SLCO3A1: variants seen among roughly 807,000 people sequenced by gnomAD.
SLCO3A1 encodes PGE1 transporter.
In SLCO3A1, 27 loss-of-function variants were observed where a neutral mutation model predicts 63.1. The observed-to-expected ratio is 0.43, with a 90% CI of 0.32 to 0.59. The LOEUF (loss-of-function observed/expected upper bound fraction) is 0.59, where lower values mean the gene tolerates loss of function less well. SLCO3A1 is among the 20% of genes least tolerant of loss of function. The probability of loss-of-function intolerance (pLI) is 0.09; values close to 1 mark genes in which losing one functional copy is unlikely to be tolerated. For missense variants in SLCO3A1, 773 were observed against 945.8 expected (o/e 0.82, Z 2.40); for synonymous variants, 473 against 409.9 (o/e 1.15, Z -1.86).
chr15:91,946,931 G>T (rs1567198616), intron 2 of SLCO3A1, among the ~76,000 whole-genome samples: 1 of 152,292 alleles, frequency 6.6e-6, no homozygotes, highest in East Asian at 1.9e-4. Flanking sequence ...CGTGCTGCTG[G>T]AAGAAGTTTA....
downstream of SLCO3A1, among the ~76,000 whole-genome samples, chr15:92,169,540 G>A (rs555576985): frequency 5.3e-5 from 8 of 152,340 alleles, no homozygotes; most frequent in South Asian, 4.1e-4. Flanking sequence ...TTGATGTGAA[G>A]TATTTTACCT....
intron 7 of SLCO3A1, among the ~76,000 whole-genome samples, chr15:92,145,284 T>C (rs2048206245): frequency 6.6e-6 from 1 of 152,154 alleles, no homozygotes; most frequent in South Asian, 2.1e-4. Context: ...TTGGCTGTGA[T>C]GCTGGGGAGG....
At chr15:91,925,613 A>G (rs1017104717) in intron 2 of SLCO3A1, among the ~76,000 whole-genome samples, 3 of 152,102 alleles carry the variant, frequency 2.0e-5, no homozygotes, top group Non-Finnish European at 4.4e-5. Flanking sequence ...CTACAGTGAC[A>G]GGCCCCAGAA....
intron 2 of SLCO3A1, among the ~76,000 whole-genome samples, chr15:91,939,933 T>C (rs59552793): frequency 0.033 from 5,034 of 152,240 alleles, 293 homozygotes; most frequent in African/African-American, 0.12. Flanking sequence ...CCTAGTCACT[T>C]GCCTGGGGTC....
Position 92,027,413 on chromosome 15 carries a change from G to A in SLCO3A1, c.647-67468G>A, listed in dbSNP as rs2046588539. Among the ~76,000 whole-genome samples, 3 of 152,188 alleles carry A rather than the reference G, an allele frequency of 2.0e-5. 1 individual carries two copies. In the South Asian group the frequency reaches 6.2e-4, roughly 31 times the overall value. ...ATCTCAAATTCACCATTTGACGAAG[G>A]TACCGTCATCGTTTTTTTCGATATT... On this transcript the variant is annotated intron_variant, in intron 2 of 9. Coordinates refer to ENST00000318445, the MANE Select transcript of SLCO3A1 (RefSeq NM_013272.4).
At chr15:92,128,268 C>A in intron 6 of SLCO3A1, 83 bp from the exon 7 acceptor site, 1 of 1,550,362 alleles carries the variant, frequency 6.5e-7, no homozygotes, top group Non-Finnish European at 8.9e-7. Flanking sequence ...CTCATCACAA[C>A]AGAGGCAAAA....
chr15:92,056,482 C>T (rs184465869), intron 2 of SLCO3A1, among the ~76,000 whole-genome samples: 12 of 152,236 alleles, frequency 7.9e-5, no homozygotes, highest in East Asian at 1.9e-4. Context: ...AAAAATAGGA[C>T]GCTCCTTCCA....
At chr15:91,879,636 A>G (rs1897502846) in intron 1 of SLCO3A1, among the ~76,000 whole-genome samples, 1 of 152,308 alleles carries the variant, frequency 6.6e-6, no homozygotes, top group East Asian at 1.9e-4. Flanking sequence ...CATTCTTATA[A>G]TTGTTCTAGC....
intron 2 of SLCO3A1, among the ~76,000 whole-genome samples, chr15:92,011,357 T>C (rs1252554256): frequency 6.6e-6 from 1 of 152,216 alleles, no homozygotes; most frequent in Non-Finnish European, 1.5e-5. Context: ...GCACACAAAA[T>C]CCTCTTCTCA....
chr15:92,166,042 T>G, downstream of SLCO3A1: 4 of 369,886 alleles, frequency 1.1e-5, no homozygotes, highest in Non-Finnish European at 1.5e-5. Context: ...GTTTGGGTTT[T>G]GTTTTGTTTT....
intron 6 of SLCO3A1, among the ~76,000 whole-genome samples, chr15:92,128,143 G>A (rs756112789): frequency 2.0e-5 from 3 of 152,148 alleles, no homozygotes; most frequent in Non-Finnish European, 2.9e-5. Context: ...CACAACCCAC[G>A]TAGCTCTCAG....
intron 2 of SLCO3A1, among the ~76,000 whole-genome samples, chr15:92,009,214 C>T (rs1435779570): frequency 6.6e-6 from 1 of 152,184 alleles, no homozygotes; most frequent in Non-Finnish European, 1.5e-5. Context: ...ACCTCTGCCT[C>T]ACTCACCATC....
At chr15:92,054,836 T>A (rs1383680848) in intron 2 of SLCO3A1, among the ~76,000 whole-genome samples, 1 of 152,246 alleles carries the variant, frequency 6.6e-6, no homozygotes, top group Non-Finnish European at 1.5e-5. Context: ...CACATTTTCT[T>A]TATCCAGTCT....
At chr15:91,920,467 A>G (rs1898806433) in intron 2 of SLCO3A1, among the ~76,000 whole-genome samples, 2 of 152,176 alleles carry the variant, frequency 1.3e-5, no homozygotes, top group Non-Finnish European at 1.5e-5. Flanking sequence ...TATTGGAGGT[A>G]GGATGGAGAG....
chr15:92,134,974 G>T (rs1361368515), intron 7 of SLCO3A1, among the ~76,000 whole-genome samples: 1 of 152,188 alleles, frequency 6.6e-6, no homozygotes, highest in Admixed American at 6.5e-5. Flanking sequence ...AAAAAAATTA[G>T]CAGGGCAGGT....
At chr15:92,020,017 G>A (rs7170965) in intron 2 of SLCO3A1, among the ~76,000 whole-genome samples, 64,334 of 151,940 alleles carry the variant, frequency 0.42, 14,264 homozygotes, top group South Asian at 0.57. Flanking sequence ...GAGAGAGGGC[G>A]CTTCCAAAGA....
intron 2 of SLCO3A1, among the ~76,000 whole-genome samples, chr15:92,039,119 G>A (rs1398490494): frequency 1.3e-5 from 2 of 151,962 alleles, no homozygotes; most frequent in African/African-American, 4.8e-5. Context: ...CCCAAAACCG[G>A]AAAAACCCTA....
chr15:92,022,101 A>C (rs1815770525), intron 2 of SLCO3A1, among the ~76,000 whole-genome samples: 1 of 152,234 alleles, frequency 6.6e-6, no homozygotes, highest in Non-Finnish European at 1.5e-5. Flanking sequence ...AATCCTGATG[A>C]GCCTTTTAGG....
At chr15:92,065,123 C>T (rs2151509860) in intron 2 of SLCO3A1, among the ~76,000 whole-genome samples, 1 of 152,088 alleles carries the variant, frequency 6.6e-6, no homozygotes, top group South Asian at 2.1e-4. Flanking sequence ...AGCTTTGTCA[C>T]CCAAGCTGGA....
Sources: allele counts gnomAD v4.1 joint callset (sites outside exome capture counted in the v4.1 genomes callset), GRCh38; gene constraint gnomAD v4.1.1; transcripts MANE v1.5; gene names NCBI Gene and HGNC (gene_info 2026-07-23, HGNC 2026-07-21).